The following ZNF99 variants were observed in gnomAD, a reference collection of about 807,000 sequenced individuals.
ZNF99 encodes zinc finger protein ENSP00000375192.
A neutral mutation model predicts 12.8 loss-of-function variants in ZNF99; 8 were observed. That is an observed-to-expected ratio of 0.62 (90% CI 0.37 to 1.13). The LOEUF (loss-of-function observed/expected upper bound fraction) is 1.13. ZNF99 is among the 50% of genes most tolerant of loss of function. The pLI is 0.02. For synonymous variants in ZNF99, 318 were observed against 319.0 expected, an observed-to-expected ratio of 1.00 and a Z score of 0.03; for missense variants, 1,007 against 1,006.2, an observed-to-expected ratio of 1.00 and a Z score of -0.01.
rs1304051069 is a variant in ZNF99 at position 22,757,086 on chromosome 19, A to G, written c.*228T>C. 1.4e-5 allele frequency: 23 copies of G among 1,612,858 alleles called. No individual in the cohort carries two copies. Among genetic ancestry groups the G allele is most frequent in the Non-Finnish European group, 1.9e-5 (22 of 1,179,254 alleles). On this transcript the variant is annotated 3_prime_UTR_variant, in exon 4 of 4. Coordinates refer to ENST00000596209, the MANE Select transcript of ZNF99 (RefSeq NM_001080409.3). ...ATTAGCTTATGTTTCTTAAGGGTTG[A>G]GGAATTGTTAAAAGCTTTTCCACAT...
Position 22,754,159 on chromosome 19 carries a change from G to C in ZNF99, c.*3155C>G, listed in dbSNP as rs568660344. 91 of 452,878 alleles carry C rather than the reference G, an allele frequency of 2.0e-4. No homozygotes were observed. The highest frequency in any genetic ancestry group is 1.3e-3 in the South Asian group (86 of 64,344). 28.1% of individuals were successfully genotyped at this position (452,878 alleles called of 1,614,324 possible). On this transcript the variant is annotated 3_prime_UTR_variant, in exon 4 of 4. Coordinates refer to ENST00000596209, the MANE Select transcript of ZNF99 (RefSeq NM_001080409.3). Reference sequence around the variant, plus strand: ...AGGCGGGTGGATCACTTGAGGTCAGGAGTTCAAAACCAGCCTGGTCAAAAT... The same window carrying C: ...AGGCGGGTGGATCACTTGAGGTCAGCAGTTCAAAACCAGCCTGGTCAAAAT...
At position 22,769,293 on chromosome 19, in the gene ZNF99, T is replaced by A; in HGVS notation, c.35A>T (p.Glu12Val). The A allele has an allele frequency of 6.2e-7, 1 of 1,609,382 alleles. No homozygotes were observed. Among genetic ancestry groups the A allele is most frequent in the Non-Finnish European group, 8.5e-7 (1 of 1,177,690 alleles). Residue 12 changes from glutamate (E) to valine (V), a missense_variant, in exon 2 of 4, where the codon GAA (glutamate) becomes GTA (valine). Coordinates refer to ENST00000596209, the MANE Select transcript of ZNF99 (RefSeq NM_001080409.3). ...GCATTGCCACTCCTCCAGAGCGAAT[T>A]CTATGGTCACATCCCAAAATGTCAA... The part of the protein sequence containing the change: ...GSLTFWDVTI[E>V]FALEEWQCLD...
intron 1 of ZNF99, among the ~76,000 whole-genome samples, chr19:22,776,311 A>C (rs1488984442): frequency 2.7e-5 from 4 of 148,664 alleles, no homozygotes; most frequent in Admixed American, 6.8e-5. Context: ...AGATTATGCC[A>C]CTGCGCTTTA....
rs747996445 is a variant in ZNF99 at position 22,754,018 on chromosome 19, T to A, written c.*3296A>T. ...CAAGAGCACTGTCATGTCTTTTAGG[T>A]TTGTAGAGCTTCTCTCCAGTATGAT... On this transcript the variant is annotated 3_prime_UTR_variant, in exon 4 of 4. Transcript: ENST00000596209. 2.2e-6 allele frequency: 1 copy of A among 456,046 alleles called. No homozygotes were observed. Among genetic ancestry groups the A allele is most frequent in the Non-Finnish European group, 4.4e-6 (1 of 226,800 alleles). The allele number at this position is 456,046 out of a possible 1,614,324, so 28.2% of individuals were successfully genotyped here.
At chr19:22,780,856 T>C (rs918624457) in intron 1 of ZNF99, among the ~76,000 whole-genome samples, 1 of 150,908 alleles carries the variant, frequency 6.6e-6, no homozygotes, top group Non-Finnish European at 1.5e-5. Context: ...GATGTTTTCA[T>C]GAATCTAAGG....
intron 3 of ZNF99, among the ~76,000 whole-genome samples, chr19:22,764,256 A>T (rs181127201): frequency 2.1e-3 from 314 of 152,222 alleles, no homozygotes; most frequent in African/African-American, 7.1e-3. Flanking sequence ...AGCCACATGT[A>T]GGAGAATAAA....
chr19:22,757,632 T>G lies in ZNF99; in HGVS notation c.2277A>C (p.Lys759Asn), dbSNP rs572188402. 170 of 1,611,556 alleles carry G rather than the reference T, an allele frequency of 1.1e-4. 1 individual carries two copies. In the South Asian group the frequency reaches 1.7e-3, roughly 16 times the overall value. ...TVHKVIHTAE[K>N]PCKCEECGKA... Reference sequence around the variant, plus strand: ...TGCCACATTCTTCACATTTGCAGGGTTTCTCTGCAGTATGAATTACCTTAT... The same window carrying G: ...TGCCACATTCTTCACATTTGCAGGGGTTCTCTGCAGTATGAATTACCTTAT... The change falls in exon 4 of 4, where the codon AAA (lysine) becomes AAC (asparagine). Residue 759 changes from lysine (K) to asparagine (N), a missense_variant. Coordinates refer to ENST00000596209, the MANE Select transcript of ZNF99 (RefSeq NM_001080409.3).
At position 22,756,703 on chromosome 19, in the gene ZNF99, T is replaced by C. The variant is rs1973063744; in HGVS notation, c.*611A>G. ...AAAACCTTTGCCACATTCTTCACAT[T>C]TGTACGGTTTCTCCCCAGTATGAAT... On this transcript the variant is annotated 3_prime_UTR_variant, in exon 4 of 4. Coordinates refer to ENST00000596209, the MANE Select transcript of ZNF99 (RefSeq NM_001080409.3). The C allele has an allele frequency of 1.4e-6, 2 of 1,471,824 alleles. No individual in the cohort carries two copies. The highest frequency in any genetic ancestry group is 1.8e-6 in the Non-Finnish European group (2 of 1,101,442). 91.2% of individuals were successfully genotyped at this position (1,471,824 alleles called of 1,614,324 possible). A position where few individuals can be genotyped will look rare whatever the true frequency, so the allele number is the denominator to read the frequency against.
chr19:22,762,181 A>G lies in ZNF99; in HGVS notation c.227-2499T>C, dbSNP rs116400608. Among the ~76,000 whole-genome samples the G allele has an allele frequency of 6.2e-3, 946 of 152,234 alleles. 11 individuals carry two copies. Among genetic ancestry groups the G allele is most frequent in the African/African-American group, 0.019 (800 of 41,568 alleles). ...AAATTGAAACAAACAAACAAAAACC[A>G]AAAGATAAATAAAACAAAAACCTGG... On this transcript the variant is annotated intron_variant, in intron 3 of 3. Coordinates refer to ENST00000596209, the MANE Select transcript of ZNF99 (RefSeq NM_001080409.3).
chr19:22,765,299 T>C (rs1973191922), intron 3 of ZNF99, among the ~76,000 whole-genome samples: 1 of 152,042 alleles, frequency 6.6e-6, no homozygotes, highest in Admixed American at 6.6e-5. Context: ...TGCAAAGGCA[T>C]AAGAATGACA....
chr19:22,775,049 T>C (rs1202553326), intron 1 of ZNF99, among the ~76,000 whole-genome samples: 1 of 152,100 alleles, frequency 6.6e-6, no homozygotes, highest in Non-Finnish European at 1.5e-5. Flanking sequence ...TTAACAGAAC[T>C]ATAAAAAACT....
At chr19:22,773,316 A>C (rs530460055) in intron 1 of ZNF99, among the ~76,000 whole-genome samples, 1 of 152,328 alleles carries the variant, frequency 6.6e-6, no homozygotes, top group East Asian at 1.9e-4. Context: ...GCCCCGGAGA[A>C]ACTCCACAAT....
chr19:22,757,935 A>G lies in ZNF99; in HGVS notation c.1974T>C (p.Phe658=). 6.2e-7 allele frequency: 1 copy of G among 1,613,114 alleles called. No homozygotes were observed. Among genetic ancestry groups the G allele is most frequent in the Non-Finnish European group, 8.5e-7 (1 of 1,179,666 alleles). ...PYKCEECGKA[F]KWSSHLTRHK... is the part of the protein sequence containing the mutation. The stretch of plus-strand genomic sequence containing the variant: ...GTCTAGTAAGGTGTGAGGACCACTT[A>G]AAAGCTTTACCACATTCTTCACATT... Residue 658 remains phenylalanine, a synonymous_variant, in exon 4 of 4, where the codon TTT becomes TTC. Coordinates refer to ENST00000596209, the MANE Select transcript of ZNF99 (RefSeq NM_001080409.3).
rs1464781958 is a variant in ZNF99 at position 22,759,232 on chromosome 19, T to A, written c.677A>T (p.Asp226Val). ...ACATTTCTTATATTTGTAGGGTTTG[T>A]CTTCAGTATGAATTATCTTATGTTT... Reference protein sequence around the residue: ...LIKHKIIHTEDKPYKYKKCGK... With the variant: ...LIKHKIIHTEVKPYKYKKCGK... The change falls in exon 4 of 4, where the codon GAC (aspartate) becomes GTC (valine). Residue 226 changes from aspartate (D) to valine (V), a missense_variant. Asp to Val is a radical substitution (Grantham distance 152). Coordinates refer to ENST00000596209, the MANE Select transcript of ZNF99 (RefSeq NM_001080409.3). The A allele has an allele frequency of 1.3e-6, 2 of 1,559,476 alleles. No individual in the cohort carries two copies. The highest frequency in any genetic ancestry group is 1.7e-6 in the Non-Finnish European group (2 of 1,152,700).
At chr19:22,783,501 CTCTT>C (rs920770412) in intron 1 of ZNF99, among the ~76,000 whole-genome samples, 7 of 152,190 alleles carry the variant, frequency 4.6e-5, no homozygotes, top group Admixed American at 2.6e-4. Context: ...CCTTATAAAA[CTCTT>C]TCCGTCAAAT....
intron 1 of ZNF99, 46 bp downstream of exon 1, chr19:22,783,968 A>C: frequency 6.2e-7 from 1 of 1,613,534 alleles, no homozygotes; most frequent in Non-Finnish European, 8.5e-7. Flanking sequence ...CACCGGTTCC[A>C]GTCAGCCCCT....
At chr19:22,778,654 T>C (rs1260563122) in intron 1 of ZNF99, among the ~76,000 whole-genome samples, 1 of 152,190 alleles carries the variant, frequency 6.6e-6, no homozygotes, top group Non-Finnish European at 1.5e-5. Context: ...TTTATCAGTT[T>C]ATTAGAAAAG....
At chr19:22,779,390 G>A (rs761332521) in intron 1 of ZNF99, among the ~76,000 whole-genome samples, 1 of 152,034 alleles carries the variant, frequency 6.6e-6, no homozygotes, top group Non-Finnish European at 1.5e-5. Context: ...CAGGCATGAT[G>A]GCAGATGCCT....
Position 22,759,540 on chromosome 19 carries a change from A to T in ZNF99, c.369T>A (p.Gly123=). 6.2e-7 allele frequency: 1 copy of T among 1,611,972 alleles called. No individual in the cohort carries two copies. The highest frequency in any genetic ancestry group is 1.7e-5 in the Admixed American group (1 of 59,818). Reference sequence around the variant, plus strand: ...TATTATAAGCTTCTTCGTGCATCTTACCCTCATTGACACTTTCACAATCTT... The same window carrying T: ...TATTATAAGCTTCTTCGTGCATCTTTCCCTCATTGACACTTTCACAATCTT... ...LRKDCESVNE[G]KMHEEAYNKL... is the part of the protein sequence containing the mutation. The change falls in exon 4 of 4, where the codon GGT becomes GGA. Residue 123 remains glycine (G), a synonymous_variant. Coordinates refer to ENST00000596209, the MANE Select transcript of ZNF99 (RefSeq NM_001080409.3).
Sources: allele counts gnomAD v4.1 joint callset (sites outside exome capture counted in the v4.1 genomes callset), GRCh38; gene constraint gnomAD v4.1.1; transcripts MANE v1.5; gene names NCBI Gene and HGNC (gene_info 2026-07-23, HGNC 2026-07-21).